Variants in HCLS1 observed in about 807,000 individuals in gnomAD.
The protein encoded by HCLS1 is hematopoietic lineage cell-specific protein.
A neutral mutation model predicts 68.6 loss-of-function variants in HCLS1; 44 were observed. The ratio of observed to expected loss-of-function variants is 0.64; its 90% CI spans 0.50 to 0.82. The LOEUF (loss-of-function observed/expected upper bound fraction) is 0.82. HCLS1 is among the 40% of genes least tolerant of loss of function. The pLI, the probability that HCLS1 is intolerant of heterozygous loss-of-function variation, is 0.00. For missense variants in HCLS1, 602 were observed against 612.1 expected (o/e 0.98, Z 0.17); for synonymous variants, 217 against 225.8 (o/e 0.96, Z 0.35).
intron 6 of HCLS1, 36 bp downstream of exon 6, chr3:121,642,891 A>T (rs1441556409): frequency 6.5e-7 from 1 of 1,549,508 alleles, no homozygotes; most frequent in East Asian, 2.2e-5. Flanking sequence ...CCTGCCGGTC[A>T]GATTGCTGAG....
Position 121,634,230 on chromosome 3 carries a change from G to A in HCLS1, c.880C>T (p.Leu294=). 1.2e-6 allele frequency: 2 copies of A among 1,614,218 alleles called. No individual in the cohort carries two copies. The highest frequency in any genetic ancestry group is 1.3e-5 in the African/African-American group (1 of 75,070). Residue 294 remains leucine, a synonymous_variant, in exon 10 of 14, where the codon CTG becomes TTG. Transcript: ENST00000314583. ...AMEEPAVPAP[L]PKKISSEAWP... ...ACCTCTGAGGAGATTTTCTTGGGCA[G>A]TGGGGCCGGTACTGCTGGCTCTTCC...
At chr3:121,657,130 G>GAACAGACTCTAGAAAAA in intron 3 of HCLS1, 149 bp downstream of exon 3, 1 of 655,852 alleles carries the variant, frequency 1.5e-6, no homozygotes, top group Non-Finnish European at 2.7e-6. Flanking sequence ...GTACACACAG[G>GAACAGACTCTAGAAAAA]AACAGACTCT....
At chr3:121,636,402 C>CT in intron 8 of HCLS1, 32 bp downstream of exon 8, 1 of 1,573,290 alleles carries the variant, frequency 6.4e-7, no homozygotes, top group South Asian at 1.1e-5. Context: ...TTAGGGAACT[C>CT]TTCTTAAGAC....
Position 121,657,341 on chromosome 3 carries a change from A to G in HCLS1, c.96T>C (p.Ser32=). Residue 32 remains serine (S), a synonymous_variant, in exon 3 of 14, where the codon TCT becomes TCC. Coordinates refer to ENST00000314583, the MANE Select transcript of HCLS1 (RefSeq NM_005335.6). ...DTDPDFVNDI[S]EKEQRWGAKT... ...TGGCTCCCCATCGTTGCTCCTTTTC[A>G]GAGATGTCATTCTGCAAACGACAGC... 2.5e-6 allele frequency: 4 copies of G among 1,614,066 alleles called. No homozygotes were observed. Among genetic ancestry groups the G allele is most frequent in the Non-Finnish European group, 3.4e-6 (4 of 1,179,964 alleles).
At chr3:121,642,812 T>C in intron 6 of HCLS1, 115 bp downstream of exon 6, 1 of 807,184 alleles carries the variant, frequency 1.2e-6, no homozygotes, top group Admixed American at 1.9e-5. Flanking sequence ...AATAAAATAG[T>C]GGTGCGCTGG....
intron 6 of HCLS1, among the ~76,000 whole-genome samples, chr3:121,641,848 G>T (rs1365292415): frequency 2.6e-5 from 4 of 152,052 alleles, no homozygotes; most frequent in Admixed American, 2.6e-4. Context: ...TTGGGAAGCC[G>T]AGGCAGGCAG....
chr3:121,636,572 G>A, intron 7 of HCLS1, 83 bp from the exon 8 acceptor site: 1 of 1,049,818 alleles, frequency 9.5e-7, no homozygotes, highest in Non-Finnish European at 1.5e-6. Flanking sequence ...AGAAAAACAG[G>A]AATGTGGAAA....
intron 3 of HCLS1, among the ~76,000 whole-genome samples, chr3:121,652,520 G>A (rs976137833): frequency 6.6e-6 from 1 of 152,058 alleles, no homozygotes; most frequent in Non-Finnish European, 1.5e-5. Context: ...TGGGCAAGGT[G>A]GCACATGCCT....
Position 121,631,745 on chromosome 3 carries a change from A to G in HCLS1, c.*101T>C. The G allele has an allele frequency of 1.5e-6, 2 of 1,329,384 alleles. No homozygotes were observed. The highest frequency in any genetic ancestry group is 2.1e-6 in the Non-Finnish European group (2 of 949,152). The allele number at this position is 1,329,384 out of a possible 1,614,324, so 82.3% of individuals were successfully genotyped here. On this transcript the variant is annotated 3_prime_UTR_variant, in exon 14 of 14. Coordinates refer to ENST00000314583, the MANE Select transcript of HCLS1 (RefSeq NM_005335.6). ...AGCAGGAGAGGGAAGTCTGTCCAGA[A>G]CCTCATCTGGTTAGACATTTGCAGC...
chr3:121,648,461 C>A (rs960799485), intron 3 of HCLS1, among the ~76,000 whole-genome samples: 7 of 152,118 alleles, frequency 4.6e-5, no homozygotes, highest in African/African-American at 1.7e-4. Flanking sequence ...GTTATTTGGA[C>A]ACATATAAGG....
At chr3:121,652,916 A>T (rs9883663) in intron 3 of HCLS1, among the ~76,000 whole-genome samples, 33,959 of 152,106 alleles carry the variant, frequency 0.22, 3,979 homozygotes, top group East Asian at 0.31. Context: ...TTAGACAAAA[A>T]CAATATATTG....
At chr3:121,646,985 A>ATTTT (rs1272121152) in intron 4 of HCLS1, among the ~76,000 whole-genome samples, 2 of 138,958 alleles carry the variant, frequency 1.4e-5, no homozygotes, top group African/African-American at 5.3e-5. Flanking sequence ...TATTTTATTT[A>ATTTT]TTTTTTTTTT....
At chr3:121,633,244 C>G (rs1411061699) in intron 10 of HCLS1, 73 bp from the exon 11 acceptor site, 4 of 964,646 alleles carry the variant, frequency 4.1e-6, no homozygotes, top group Non-Finnish European at 6.3e-6. Context: ...GAGATAGACT[C>G]TCGCTCTGTA....
rs1160038619 is a variant in HCLS1, at chr3:121,634,259, G to A, written c.851C>T (p.Ala284Val). The part of the protein sequence containing the change: ...RSPEAPQPVI[A>V]MEEPAVPAPL... ...GGCCGGTACTGCTGGCTCTTCCATAGCTATCACTGGCTGTGGAGCCTCAGG... is the reference window on the plus strand; with the variant it reads ...GGCCGGTACTGCTGGCTCTTCCATAACTATCACTGGCTGTGGAGCCTCAGG... Residue 284 changes from alanine (A) to valine (V), a missense_variant, in exon 10 of 14, where the codon GCT becomes GTT. Coordinates refer to ENST00000314583, the MANE Select transcript of HCLS1 (RefSeq NM_005335.6). 6.2e-7 allele frequency: 1 copy of A among 1,614,190 alleles called. No individual in the cohort carries two copies. The highest frequency in any genetic ancestry group is 8.5e-7 in the Non-Finnish European group (1 of 1,180,044).
rs186094297 is a variant in HCLS1 at position 121,647,155 on chromosome 3, G to T, written c.288+164C>A. On this transcript the variant is annotated intron_variant, in intron 4 of 13. Transcript: ENST00000314583. Reference sequence around the variant, plus strand: ...CACCACGACGCACGGCTAATTTTTTGTATTTTTAGTAGAGATGGGGTTTCA... The same window carrying T: ...CACCACGACGCACGGCTAATTTTTTTTATTTTTAGTAGAGATGGGGTTTCA... Among the ~76,000 whole-genome samples, 598 of 151,516 alleles carry T rather than the reference G, an allele frequency of 3.9e-3. 5 individuals are homozygous for T. The highest frequency in any genetic ancestry group is 0.013 in the African/African-American group (531 of 41,324).
In HCLS1 at chr3:121,637,225, C is replaced by G; in HGVS notation, c.486G>C (p.Gly162=). The change falls in exon 7 of 14, where the codon GGG becomes GGC. Residue 162 remains glycine (G), a synonymous_variant. Transcript: ENST00000314583. The stretch of plus-strand genomic sequence containing the variant: ...CTTTGTCCCATTTATCCTTCTCCAC[C>G]CCGTACCGGCCACCAAAGCCACGAG... ...DYSRGFGGRY[G]VEKDKWDKAA... 1 of 1,613,468 alleles carries G rather than the reference C, an allele frequency of 6.2e-7. No individual in the cohort carries two copies. The highest frequency in any genetic ancestry group is 8.5e-7 in the Non-Finnish European group (1 of 1,179,646).
intron 4 of HCLS1, among the ~76,000 whole-genome samples, chr3:121,645,953 T>A (rs1302932256): frequency 7.2e-5 from 10 of 139,038 alleles, no homozygotes; most frequent in Non-Finnish European, 1.5e-4. Flanking sequence ...ATTTATATAT[T>A]TACATTTACT....
intron 5 of HCLS1, chr3:121,644,332 T>G (rs1464394553): frequency 4.0e-6 from 1 of 249,872 alleles, no homozygotes. Context: ...TACAAAGGAG[T>G]CTTTAAAGAT....
At chr3:121,639,288 A>C (rs2049176953) in intron 6 of HCLS1, among the ~76,000 whole-genome samples, 1 of 152,176 alleles carries the variant, frequency 6.6e-6, no homozygotes, top group Non-Finnish European at 1.5e-5. Flanking sequence ...CATTGACCAA[A>C]TAGACCATGT....
Sources: gnomAD v4.1 joint callset for allele counts (sites outside exome capture counted in the v4.1 genomes callset) on GRCh38, gnomAD v4.1.1 for gene constraint, MANE v1.5 for transcripts, NCBI Gene and HGNC (gene_info 2026-07-23, HGNC 2026-07-21) for gene names.